THSD7A: variants seen among roughly 807,000 people sequenced by gnomAD.
THSD7A encodes the protein thrombospondin type 1 domain containing 7A.
In THSD7A, 96 loss-of-function variants were observed where a neutral mutation model predicts 231.3. That is an observed-to-expected ratio of 0.41 (90% confidence interval 0.35 to 0.49). THSD7A has a LOEUF of 0.49. Ranked by LOEUF, THSD7A falls within the 20% of genes least tolerant of loss-of-function variation. The pLI, the probability that THSD7A is intolerant of heterozygous loss-of-function variation, is 0.05. For missense variants in THSD7A, 2,290 were observed against 2,070.2 expected, an observed-to-expected ratio of 1.11 and a Z score of -2.06; for synonymous variants, 940 against 743.3, an observed-to-expected ratio of 1.26 and a Z score of -4.30.
chr7:11,506,984 G>C (rs1307359185), intron 6 of THSD7A, among the ~76,000 whole-genome samples: 5 of 152,028 alleles, frequency 3.3e-5, no homozygotes, highest in African/African-American at 1.2e-4. Context: ...AGTTCTACCA[G>C]GTCAGGGGTA....
At chr7:11,465,339 C>G (rs7807369) in intron 9 of THSD7A, among the ~76,000 whole-genome samples, 24,828 of 151,118 alleles carry the variant, frequency 0.16, 3,322 homozygotes, top group African/African-American at 0.37. Flanking sequence ...AACAAGTACG[C>G]GAAAAATAAG....
At chr7:11,663,975 A>C (rs1390297292) in intron 1 of THSD7A, among the ~76,000 whole-genome samples, 1 of 151,568 alleles carries the variant, frequency 6.6e-6, no homozygotes, top group Non-Finnish European at 1.5e-5. Context: ...AATAAGGATA[A>C]ATTTATTTAA....
At chr7:11,769,135 A>ATT (rs1562541189) in intron 1 of THSD7A, among the ~76,000 whole-genome samples, 15 of 36,604 alleles carry the variant, frequency 4.1e-4, no homozygotes, top group South Asian at 1.0e-3. Context: ...ATATATATAT[A>ATT]TATATATATA....
chr7:11,546,223 C>A (rs62432858), intron 4 of THSD7A, among the ~76,000 whole-genome samples: 9 of 148,816 alleles, frequency 6.0e-5, no homozygotes, highest in South Asian at 4.2e-4. Context: ...CACACACACA[C>A]ACACACACGT....
At chr7:11,704,928 G>T (rs910412524) in intron 1 of THSD7A, among the ~76,000 whole-genome samples, 1 of 151,044 alleles carries the variant, frequency 6.6e-6, no homozygotes, top group African/African-American at 2.4e-5. Context: ...AAAAATAAGT[G>T]TACCATCAGT....
chr7:11,376,538 C>CTCTT lies in THSD7A; in HGVS notation c.4889+28_4889+31dup, dbSNP rs752193477. 7 of 1,490,126 alleles carry CTCTT rather than the reference C, an allele frequency of 4.7e-6. No individual in the cohort carries two copies. The African/African-American group carries it at 9.8e-5, about 21-fold the overall frequency. 92.3% of individuals were successfully genotyped at this position (1,490,126 alleles called of 1,614,324 possible). On this transcript the variant is annotated intron_variant, in intron 27 of 27. Coordinates refer to ENST00000423059, the MANE Select transcript of THSD7A (RefSeq NM_015204.3). ...CTGTTTCTGTGTTACGATTAAGTAT[C>CTCTT]TCTTTGGATTTTTAATTATTTAAAC...
rs1562589325 is a variant in THSD7A, at chr7:11,411,669, T to A, written c.3683-347A>T. ...AAAATATAATTTAAAATCTTAGCAT[T>A]ACTTTTAGCCAAATAATCATAATTG... On this transcript the variant is annotated intron_variant, in intron 18 of 27. Coordinates refer to ENST00000423059, the MANE Select transcript of THSD7A (RefSeq NM_015204.3). The surrounding 1 kb of genome is among the most constrained non-coding windows in gnomAD (Gnocchi z 4.1). 6.6e-6 allele frequency among the ~76,000 whole-genome samples: 1 copy of A among 152,252 alleles called. No individual in the cohort carries two copies. The highest frequency in any genetic ancestry group is 1.5e-5 in the Non-Finnish European group (1 of 68,044).
At chr7:11,432,276 A>C (rs1323581903) in intron 13 of THSD7A, among the ~76,000 whole-genome samples, 2 of 151,844 alleles carry the variant, frequency 1.3e-5, no homozygotes, top group African/African-American at 2.4e-5. Context: ...AGACAGAACC[A>C]AAAAAAATGG....
chr7:11,815,692 T>C (rs1562574967), intron 1 of THSD7A, among the ~76,000 whole-genome samples: 2 of 152,148 alleles, frequency 1.3e-5, no homozygotes, highest in East Asian at 3.8e-4. Flanking sequence ...ACTCATATAT[T>C]CACATCTGAC....
intron 14 of THSD7A, among the ~76,000 whole-genome samples, chr7:11,427,935 C>A (rs947072509): frequency 3.3e-5 from 5 of 152,110 alleles, no homozygotes; most frequent in African/African-American, 7.2e-5. Context: ...ACTTGGGGAA[C>A]AATCAAGACT....
chr7:11,384,448 A>C (rs1179724131), intron 23 of THSD7A: 5 of 151,684 alleles, frequency 3.3e-5, no homozygotes, highest in African/African-American at 1.2e-4. Context: ...CTCTACCTTG[A>C]GTTCATGAAA....
chr7:11,602,748 CAT>C (rs1562761425), intron 2 of THSD7A, among the ~76,000 whole-genome samples: 4 of 151,678 alleles, frequency 2.6e-5, no homozygotes, highest in African/African-American at 7.3e-5. Flanking sequence ...GCCATTGAAA[CAT>C]GTGGCACAAA....
chr7:11,478,868 A>C (rs1166516229), intron 7 of THSD7A, among the ~76,000 whole-genome samples: 1 of 152,160 alleles, frequency 6.6e-6, no homozygotes, highest in African/African-American at 2.4e-5. Context: ...CTCTCATTTT[A>C]GCACACAATA....
At chr7:11,538,409 G>A (rs1475256060) in intron 6 of THSD7A, among the ~76,000 whole-genome samples, 4 of 152,062 alleles carry the variant, frequency 2.6e-5, no homozygotes, top group Non-Finnish European at 4.4e-5. Context: ...CTCAAGTAAG[G>A]AATAATACTT....
intron 1 of THSD7A, among the ~76,000 whole-genome samples, chr7:11,777,249 T>C (rs892597435): frequency 1.3e-5 from 2 of 152,046 alleles, no homozygotes; most frequent in African/African-American, 4.8e-5. Context: ...TTTCAAGAGA[T>C]TAACTACTTT....
At chr7:11,395,638 C>T (rs1783155497) in intron 23 of THSD7A, among the ~76,000 whole-genome samples, 1 of 151,880 alleles carries the variant, frequency 6.6e-6, no homozygotes, top group Admixed American at 6.6e-5. Flanking sequence ...AGTGATTCTC[C>T]TGCCTCAGCC....
intron 1 of THSD7A, among the ~76,000 whole-genome samples, chr7:11,668,141 A>G (rs1783220066): frequency 6.6e-6 from 1 of 152,094 alleles, no homozygotes; most frequent in South Asian, 2.1e-4. Flanking sequence ...TTTTTCCTCA[A>G]AAGAAATGGA....
intron 1 of THSD7A, among the ~76,000 whole-genome samples, chr7:11,816,205 C>T (rs955716551): frequency 6.6e-6 from 1 of 152,164 alleles, no homozygotes; most frequent in Non-Finnish European, 1.5e-5. Flanking sequence ...GACACACAGA[C>T]CTTGCCATAA....
At position 11,512,320 on chromosome 7, in the gene THSD7A, A is replaced by C. The variant is rs887243537; in HGVS notation, c.1822+29099T>G. 1.1e-4 allele frequency among the ~76,000 whole-genome samples: 17 copies of C among 152,208 alleles called. No individual in the cohort carries two copies. In the East Asian group the frequency reaches 2.9e-3, roughly 26 times the overall value. On this transcript the variant is annotated intron_variant, in intron 6 of 27. Coordinates refer to ENST00000423059, the MANE Select transcript of THSD7A (RefSeq NM_015204.3). Reference sequence around the variant, plus strand: ...GAGAGGATGTGGGGAAATAGGAACAATTTTACACTGTTGGTGGGAATGTAA... The same window carrying C: ...GAGAGGATGTGGGGAAATAGGAACACTTTTACACTGTTGGTGGGAATGTAA...
Sources: gnomAD v4.1 joint callset for allele counts (sites outside exome capture counted in the v4.1 genomes callset) on GRCh38, gnomAD v4.1.1 for gene constraint, Gnocchi (gnomAD v3.1) non-coding constraint, MANE v1.5 for transcripts, NCBI Gene and HGNC (gene_info 2026-07-23, HGNC 2026-07-21) for gene names.